Variants in NAV3 observed in about 807,000 individuals in gnomAD.
The protein encoded by NAV3 is neuron navigator 3.
Under a neutral mutation model 244.7 loss-of-function variants are expected in NAV3, and 87 were observed. The observed-to-expected ratio is 0.36, with a 90% CI of 0.30 to 0.42. The LOEUF (loss-of-function observed/expected upper bound fraction) is 0.42. NAV3 is among the 20% of genes least tolerant of loss of function. The probability of loss-of-function intolerance (pLI) is 1.00; values close to 1 mark genes in which losing one functional copy is unlikely to be tolerated. For synonymous variants in NAV3, 1,126 were observed against 1,042.2 expected (o/e 1.08, Z -1.55); for missense variants, 2,663 against 2,893.3 (o/e 0.92, Z 1.83).
At chr12:78,172,111 TTTGAAAG>T (rs1157130357) in intron 24 of NAV3, among the ~76,000 whole-genome samples, 7 of 151,702 alleles carry the variant, frequency 4.6e-5, no homozygotes, top group African/African-American at 1.7e-4. Flanking sequence ...TGATAAGAAA[TTTGAAAG>T]TTGAAGGTAA....
rs1953014441 is a variant in NAV3, at chr12:78,075,721, T to A, written c.2636+16606T>A. Among the ~76,000 whole-genome samples the A allele has an allele frequency of 2.6e-5, 4 of 152,328 alleles. No homozygotes were observed. In the South Asian group the frequency reaches 8.3e-4, roughly 32 times the overall value. ...TTTGGGGAAAACTAATCCACAGTCA[T>A]CAGTTTTGAAAGAAATGTGCTTTAA... On this transcript the variant is annotated intron_variant, in intron 12 of 39. Transcript: ENST00000397909.
At chr12:77,700,163 A>G (rs1875496870) in intron 2 of NAV3, among the ~76,000 whole-genome samples, 1 of 152,148 alleles carries the variant, frequency 6.6e-6, no homozygotes, top group Admixed American at 6.6e-5. Context: ...TGATTGATTA[A>G]CACTCAGTCA....
At chr12:78,122,458 C>T (rs746647518) in intron 16 of NAV3, 30 bp downstream of exon 16, 22 of 1,542,120 alleles carry the variant, frequency 1.4e-5, no homozygotes, top group South Asian at 5.0e-5. Context: ...TTGATAACAT[C>T]TTCCCCCTCT....
At chr12:77,809,483 G>A (rs896968749) in intron 2 of NAV3, among the ~76,000 whole-genome samples, 54 of 152,124 alleles carry the variant, frequency 3.5e-4, no homozygotes, top group Non-Finnish European at 1.6e-4. Context: ...GCTTTGGTTC[G>A]CCCTCCATGG....
In NAV3 at chr12:78,019,033, A is replaced by C. The variant is rs912352067; in HGVS notation, c.1908-2714A>C. On this transcript the variant is annotated intron_variant, in intron 8 of 39. Transcript: ENST00000397909. Reference sequence around the variant, plus strand: ...AACAGCCTACACAAAGAGCAGATATATTTGCTCTTTTAATATTGACCAGAA... The same window carrying C: ...AACAGCCTACACAAAGAGCAGATATCTTTGCTCTTTTAATATTGACCAGAA... Among the ~76,000 whole-genome samples, 5 of 152,208 alleles carry C rather than the reference A, an allele frequency of 3.3e-5. No individual in the cohort carries two copies. The South Asian group carries it at 1.0e-3, about 32-fold the overall frequency.
intron 1 of NAV3, among the ~76,000 whole-genome samples, chr12:77,849,312 T>C (rs1476657933): frequency 6.6e-6 from 1 of 152,182 alleles, no homozygotes; most frequent in Non-Finnish European, 1.5e-5. Context: ...ATTTACTTCA[T>C]GTCTATATCG....
intron 2 of NAV3, among the ~76,000 whole-genome samples, chr12:77,798,867 T>C (rs1691580980): frequency 1.3e-5 from 2 of 152,218 alleles, no homozygotes; most frequent in Non-Finnish European, 2.9e-5. Flanking sequence ...ATTTAGAAAT[T>C]ACGTATTTGG....
chr12:78,076,447 C>A (rs971629986), intron 12 of NAV3, among the ~76,000 whole-genome samples: 2 of 152,146 alleles, frequency 1.3e-5, no homozygotes, highest in African/African-American at 4.8e-5. Flanking sequence ...AAACCTATGA[C>A]ATACCCAAAG....
chr12:77,790,915 C>T (rs887136231), intron 2 of NAV3, among the ~76,000 whole-genome samples: 3 of 152,108 alleles, frequency 2.0e-5, no homozygotes, highest in Non-Finnish European at 2.9e-5. Flanking sequence ...GTTTTAAGGG[C>T]GTCCCTCTTA....
At chr12:77,886,666 C>A (rs1320485824) in intron 1 of NAV3, among the ~76,000 whole-genome samples, 4 of 152,118 alleles carry the variant, frequency 2.6e-5, no homozygotes, top group African/African-American at 4.8e-5. Flanking sequence ...TGAATAAAAG[C>A]AGCTGAATTT....
intron 4 of NAV3, among the ~76,000 whole-genome samples, chr12:77,967,096 C>A (rs1628326): frequency 0.87 from 132,514 of 152,024 alleles, 57,833 homozygotes; most frequent in East Asian, 0.98. Flanking sequence ...TCTGTAACTT[C>A]GAATAACATT....
At chr12:77,659,128 G>C (rs1160419890) in intron 2 of NAV3, among the ~76,000 whole-genome samples, 8 of 151,672 alleles carry the variant, frequency 5.3e-5, no homozygotes, top group African/African-American at 1.7e-4. Flanking sequence ...TTAAACTAAA[G>C]AGCTTCTGCA....
At chr12:78,115,192 C>G (rs528668304) in intron 12 of NAV3, among the ~76,000 whole-genome samples, 6 of 152,106 alleles carry the variant, frequency 3.9e-5, no homozygotes, top group Non-Finnish European at 7.4e-5. Flanking sequence ...TTTGCAGGAG[C>G]CTTTTAAATC....
At chr12:77,892,230 T>G (rs1211170777) in intron 1 of NAV3, among the ~76,000 whole-genome samples, 3 of 152,166 alleles carry the variant, frequency 2.0e-5, no homozygotes, top group Non-Finnish European at 2.9e-5. Flanking sequence ...ATAAAGATGT[T>G]GAAGTTGTAA....
rs547331921 is a variant in NAV3, at chr12:77,957,496, G to A, written c.415-8733G>A. 2.0e-5 allele frequency among the ~76,000 whole-genome samples: 3 copies of A among 152,276 alleles called. No individual in the cohort carries two copies. In the East Asian group the frequency reaches 5.8e-4, roughly 29 times the overall value. On this transcript the variant is annotated intron_variant, in intron 3 of 39. Coordinates refer to ENST00000397909, the MANE Select transcript of NAV3 (RefSeq NM_001024383.2). ...ATATTACTTTGTTGATATTGTGATA[G>A]ATTCTTCCAATTACATGTCCTGAAA...
chr12:77,845,651 CT>C (rs36029202), intron 1 of NAV3, among the ~76,000 whole-genome samples: 10,295 of 129,502 alleles, frequency 0.079, 269 homozygotes, highest in South Asian at 0.12. Flanking sequence ...TAGGCTAATA[CT>C]TTTTTTTTTT....
chr12:77,600,921 A>AGTTGGTTTTAGAAC (rs2136768100), intron 2 of NAV3, among the ~76,000 whole-genome samples: 1 of 152,012 alleles, frequency 6.6e-6, no homozygotes, highest in South Asian at 2.1e-4. Context: ...TAATCTACAT[A>AGTTGGTTTTAGAAC]ATAATTAGTT....
At chr12:77,779,906 A>C (rs554947920) in intron 2 of NAV3, among the ~76,000 whole-genome samples, 1 of 152,388 alleles carries the variant, frequency 6.6e-6, no homozygotes, top group East Asian at 1.9e-4. Flanking sequence ...TTGAATAGCT[A>C]CAAGAAGCAA....
intron 2 of NAV3, among the ~76,000 whole-genome samples, chr12:77,784,258 C>A (rs763488392): frequency 6.6e-6 from 1 of 152,144 alleles, no homozygotes; most frequent in African/African-American, 2.4e-5. Context: ...CCCCTCTCCC[C>A]TAGATAAGGC....
Sources: allele counts gnomAD v4.1 joint callset (sites outside exome capture counted in the v4.1 genomes callset), GRCh38; gene constraint gnomAD v4.1.1; transcripts MANE v1.5; gene names NCBI Gene and HGNC (gene_info 2026-07-23, HGNC 2026-07-21).